BCAS1: variants seen among roughly 807,000 people sequenced by gnomAD.
The protein encoded by BCAS1 is brain enriched myelin associated protein 1.
BCAS1 carries 46 observed loss-of-function variants against 65.4 expected under a neutral mutation model. The observed-to-expected ratio is 0.70, with a 90% CI of 0.55 to 0.90. The LOEUF (loss-of-function observed/expected upper bound fraction) is 0.90, where lower values mean the gene tolerates loss of function less well. Ranked by LOEUF, BCAS1 falls within the 40% of genes least tolerant of loss-of-function variation. The probability of loss-of-function intolerance (pLI) is 0.00; values close to 1 mark genes in which losing one functional copy is unlikely to be tolerated. For synonymous variants in BCAS1, 298 were observed against 293.5 expected (o/e 1.02, Z -0.16); for missense variants, 793 against 771.2 (o/e 1.03, Z -0.33).
At position 54,035,714 on chromosome 20, in the gene BCAS1, C is replaced by T. The variant is rs187204426; in HGVS notation, c.143-6742G>A. On this transcript the variant is annotated intron_variant, in intron 3 of 12. Coordinates refer to ENST00000688948, the MANE Select transcript of BCAS1 (RefSeq NM_001366298.2). Reference sequence around the variant, plus strand: ...GCAATTCCATTACTGGGTACATACCCGAAAAATAGAAATCATTCTTTTATA... The same window carrying T: ...GCAATTCCATTACTGGGTACATACCTGAAAAATAGAAATCATTCTTTTATA... 2.7e-4 allele frequency among the ~76,000 whole-genome samples: 41 copies of T among 151,080 alleles called. 2 individuals are homozygous for T. The highest frequency in any genetic ancestry group is 2.3e-3 in the Admixed American group (35 of 15,132).
intron 1 of BCAS1, among the ~76,000 whole-genome samples, chr20:54,063,495 A>C (rs1568936308): frequency 6.6e-6 from 1 of 152,182 alleles, no homozygotes; most frequent in Non-Finnish European, 1.5e-5. Flanking sequence ...AACATTTCTG[A>C]TTCCTGTGAT....
chr20:54,025,145 C>T (rs567906605), intron 4 of BCAS1, among the ~76,000 whole-genome samples: 1 of 152,282 alleles, frequency 6.6e-6, no homozygotes, highest in South Asian at 2.1e-4. Context: ...TGCATGGCAA[C>T]ACTTTATGCG....
At chr20:54,000,687 G>A (rs1175242487) in intron 4 of BCAS1, among the ~76,000 whole-genome samples, 1 of 151,904 alleles carries the variant, frequency 6.6e-6, no homozygotes, top group Non-Finnish European at 1.5e-5. Flanking sequence ...TTCACCCACT[G>A]CCCTGTGGTT....
intron 10 of BCAS1, among the ~76,000 whole-genome samples, chr20:53,959,948 T>C (rs548856313): frequency 3.3e-5 from 5 of 152,144 alleles, no homozygotes; most frequent in Non-Finnish European, 7.4e-5. Flanking sequence ...CATAACCAGC[T>C]CTGTCAGCCT....
intron 4 of BCAS1, among the ~76,000 whole-genome samples, chr20:54,019,198 T>G (rs944178732): frequency 6.6e-6 from 1 of 152,230 alleles, no homozygotes; most frequent in Non-Finnish European, 1.5e-5. Flanking sequence ...CTGGTCTAAA[T>G]GCCTAGCTCA....
At chr20:53,950,743 A>G (rs2145484330) in intron 12 of BCAS1, among the ~76,000 whole-genome samples, 1 of 152,286 alleles carries the variant, frequency 6.6e-6, no homozygotes, top group South Asian at 2.1e-4. Context: ...GGCTTGGCAC[A>G]TGTTTCTGCA....
intron 2 of BCAS1, 81 bp downstream of exon 2, chr20:54,058,566 C>G (rs2092331970): frequency 1.3e-6 from 2 of 1,520,406 alleles, no homozygotes; most frequent in Non-Finnish European, 1.7e-6. Flanking sequence ...GGACTTCAGT[C>G]AACACACTTG....
intron 4 of BCAS1, among the ~76,000 whole-genome samples, chr20:54,017,399 C>CTT (rs200791354): frequency 3.3e-5 from 4 of 121,710 alleles, no homozygotes; most frequent in Admixed American, 7.9e-5. Context: ...TTTTTCTTTT[C>CTT]TTTTTTTTTT....
chr20:53,995,186 T>TA lies in BCAS1; in HGVS notation c.883-131dup. On this transcript the variant is annotated intron_variant, in intron 5 of 12. Coordinates refer to ENST00000688948, the MANE Select transcript of BCAS1 (RefSeq NM_001366298.2). ...TCAAGAATAAAATGAGAAGTATTTT[T>TA]AGTTCAATAGAAATCTCAGGACCGC... The TA allele has an allele frequency of 4.1e-6, 3 of 736,570 alleles. No individual in the cohort carries two copies. In the South Asian group the frequency reaches 5.5e-5, roughly 14 times the overall value. 45.6% of individuals were successfully genotyped at this position (736,570 alleles called of 1,614,324 possible).
intron 9 of BCAS1, among the ~76,000 whole-genome samples, chr20:53,971,946 G>A (rs1357123288): frequency 6.6e-6 from 1 of 152,160 alleles, no homozygotes; most frequent in African/African-American, 2.4e-5. Flanking sequence ...ATTTATTTCT[G>A]ATAGGACCAG....
At position 54,037,824 on chromosome 20, in the gene BCAS1, A is replaced by G. The variant is rs2091924832; in HGVS notation, c.143-8852T>C. 2.0e-5 allele frequency among the ~76,000 whole-genome samples: 3 copies of G among 151,302 alleles called. 1 individual carries two copies. In the Admixed American group the frequency reaches 2.0e-4, roughly 10 times the overall value. ...GTGGTAACCAAAGCAGGAACAGAAG[A>G]GAAAGAAGAAATAGAAGGGAGGGAA... On this transcript the variant is annotated intron_variant, in intron 3 of 12. Transcript: ENST00000688948.
chr20:53,959,214 C>T (rs1403013246), intron 10 of BCAS1, among the ~76,000 whole-genome samples: 1 of 152,072 alleles, frequency 6.6e-6, no homozygotes, highest in Non-Finnish European at 1.5e-5. Context: ...CCTCAGCCTC[C>T]CAGATAGATA....
Position 54,045,054 on chromosome 20 carries a change from A to T in BCAS1, c.142+13031T>A, listed in dbSNP as rs1175315949. 2.6e-5 allele frequency among the ~76,000 whole-genome samples: 4 copies of T among 151,854 alleles called. No homozygotes were observed. The East Asian group carries it at 5.8e-4, about 22-fold the overall frequency. On this transcript the variant is annotated intron_variant, in intron 3 of 12. Coordinates refer to ENST00000688948, the MANE Select transcript of BCAS1 (RefSeq NM_001366298.2). Reference sequence around the variant, plus strand: ...AGGGAGACCTCATCTTTACAAAAAAACTAAAAAATTAGCCAGGTGTGGTGG... The same window carrying T: ...AGGGAGACCTCATCTTTACAAAAAATCTAAAAAATTAGCCAGGTGTGGTGG...
At chr20:53,986,319 T>C (rs980620093) in intron 7 of BCAS1, among the ~76,000 whole-genome samples, 29 of 152,286 alleles carry the variant, frequency 1.9e-4, no homozygotes, top group Non-Finnish European at 7.4e-5. Context: ...GGACATCTGA[T>C]TTCTTCAGCA....
intron 4 of BCAS1, among the ~76,000 whole-genome samples, chr20:53,997,187 AC>A (rs1485922703): frequency 6.6e-6 from 1 of 151,788 alleles, no homozygotes; most frequent in Non-Finnish European, 1.5e-5. Context: ...TTTTCCTCAT[AC>A]TCCCATTAGA....
intron 3 of BCAS1, among the ~76,000 whole-genome samples, chr20:54,043,670 C>G (rs1428686670): frequency 1.3e-5 from 2 of 152,028 alleles, no homozygotes; most frequent in Non-Finnish European, 2.9e-5. Flanking sequence ...GCAAGAATAC[C>G]CGGGAGGGGT....
intron 4 of BCAS1, among the ~76,000 whole-genome samples, chr20:54,002,219 G>T (rs1427566480): frequency 6.6e-6 from 1 of 152,130 alleles, no homozygotes. Flanking sequence ...CAGGGAGCCT[G>T]CTGGGCTCTG....
rs1444724272 is a variant in BCAS1 at position 53,943,784 on chromosome 20, T to A, written c.*1138A>T. 1 of 152,016 alleles carries A rather than the reference T, an allele frequency of 6.6e-6. No homozygotes were observed. Among genetic ancestry groups the A allele is most frequent in the Non-Finnish European group, 1.5e-5 (1 of 68,002 alleles). 9.4% of individuals were successfully genotyped at this position (152,016 alleles called of 1,614,324 possible). On this transcript the variant is annotated 3_prime_UTR_variant, in exon 13 of 13. Coordinates refer to ENST00000688948, the MANE Select transcript of BCAS1 (RefSeq NM_001366298.2). ...AGAACATTAGGAATGACAGACACAC[T>A]TGAGATAAGTGTCAGACGGAACAGA...
At chr20:53,969,594 T>C (rs1166072161) in intron 9 of BCAS1, among the ~76,000 whole-genome samples, 3 of 152,170 alleles carry the variant, frequency 2.0e-5, no homozygotes, top group African/African-American at 7.2e-5. Context: ...TATCTAATAG[T>C]GGCTTAACCA....
Sources: allele counts gnomAD v4.1 joint callset (sites outside exome capture counted in the v4.1 genomes callset), GRCh38; gene constraint gnomAD v4.1.1; transcripts MANE v1.5; gene names NCBI Gene and HGNC (gene_info 2026-07-23, HGNC 2026-07-21).